Variants in MSTO1 observed in about 807,000 individuals in gnomAD.
MSTO1 encodes the protein protein misato homolog 1.
In MSTO1, 24 loss-of-function variants were observed where a neutral mutation model predicts 55.7. The ratio of observed to expected loss-of-function variants is 0.43; its 90% CI spans 0.31 to 0.61. The LOEUF is 0.61. MSTO1 is among the 20% of genes least tolerant of loss of function. MSTO1 has a pLI of 0.09. For synonymous variants in MSTO1, 162 were observed against 252.8 expected (o/e 0.64, Z 3.41); for missense variants, 363 against 625.7 (o/e 0.58, Z 4.48).
the MSTO1 span, among the ~76,000 whole-genome samples, chr1:155,570,634 G>A: frequency 2.0e-5 from 3 of 152,164 alleles, no homozygotes; most frequent in Non-Finnish European, 4.4e-5. Flanking sequence ...GAGAATGAGC[G>A]AGACCATGTT....
upstream of MSTO1, among the ~76,000 whole-genome samples, chr1:155,605,785 A>G (rs1571195421): frequency 1.3e-5 from 2 of 152,240 alleles, no homozygotes; most frequent in Admixed American, 6.5e-5. Context: ...CTTAAAAACA[A>G]AAACAAAGAA....
chr1:155,604,548 A>T, the MSTO1 span, among the ~76,000 whole-genome samples: 1 of 152,260 alleles, frequency 6.6e-6, no homozygotes, highest in African/African-American at 2.4e-5. Flanking sequence ...TGAAATTACT[A>T]AACACAAAAC....
the MSTO1 span, among the ~76,000 whole-genome samples, chr1:155,589,383 T>G: frequency 7.3e-5 from 11 of 150,188 alleles, no homozygotes; most frequent in African/African-American, 2.7e-4. Flanking sequence ...GTTTTGGTGT[T>G]TTTTTTTTTA....
rs199883211 is a variant in MSTO1, at chr1:155,614,852, C to A, written c.*579C>A. ...GCAGTGTGGAAGAGCTGCATGAGTT[C>A]TCGAAAATGGTGGGAAACCTAAGAA... On this transcript the variant is annotated 3_prime_UTR_variant, in exon 14 of 14. Coordinates refer to ENST00000245564, the MANE Select transcript of MSTO1 (RefSeq NM_018116.4). 2,172 of 1,580,890 alleles carry A rather than the reference C, an allele frequency of 1.4e-3. 1 individual carries two copies. Among genetic ancestry groups the A allele is most frequent in the Non-Finnish European group, 1.8e-3 (2,036 of 1,162,834 alleles).
intron 2 of MSTO1, 85 bp from the exon 3 acceptor site, chr1:155,610,954 G>T: frequency 2.2e-6 from 1 of 445,412 alleles, no homozygotes; most frequent in Non-Finnish European, 3.9e-6. Flanking sequence ...GTGACAGCAG[G>T]TTGTCAGGTG....
At chr1:155,586,684 T>C in the MSTO1 span, 1 of 520,436 alleles carries the variant, frequency 1.9e-6, no homozygotes, top group East Asian at 5.5e-5. Context: ...ATAACAAGGC[T>C]TATCTCTAGG....
At chr1:155,609,702 T>G, upstream of MSTO1, 1 of 154,880 alleles carries the variant, frequency 6.5e-6, no homozygotes, top group South Asian at 2.0e-4. Flanking sequence ...TTACATAAGG[T>G]GTTAGATACA....
At chr1:155,605,793 G>A (rs1672925926), upstream of MSTO1, among the ~76,000 whole-genome samples, 1 of 152,050 alleles carries the variant, frequency 6.6e-6, no homozygotes, top group Non-Finnish European at 1.5e-5. Context: ...CAAAAACAAA[G>A]AAATAACCAA....
chr1:155,586,808 C>T, the MSTO1 span: 1,922 of 307,326 alleles, frequency 6.3e-3, 41 homozygotes, highest in African/African-American at 0.04. Flanking sequence ...AGCGCAGTGG[C>T]GCAATCTCGG....
chr1:155,600,745 G>C, the MSTO1 span, among the ~76,000 whole-genome samples: 1 of 151,936 alleles, frequency 6.6e-6, no homozygotes, highest in Non-Finnish European at 1.5e-5. Flanking sequence ...ACAGGGTTTT[G>C]CCATGTTGGC....
At chr1:155,599,958 T>C in the MSTO1 span, among the ~76,000 whole-genome samples, 3 of 152,258 alleles carry the variant, frequency 2.0e-5, no homozygotes, top group Non-Finnish European at 4.4e-5. Flanking sequence ...AGATGGAATG[T>C]ACAATCGGGT....
At chr1:155,569,246 C>T in the MSTO1 span, among the ~76,000 whole-genome samples, 7 of 151,294 alleles carry the variant, frequency 4.6e-5, no homozygotes, top group African/African-American at 1.7e-4. Context: ...AGCCATTCTC[C>T]TGCCTCAGCC....
the MSTO1 span, chr1:155,566,320 T>A: frequency 6.6e-6 from 1 of 152,156 alleles, no homozygotes; most frequent in South Asian, 2.1e-4. Context: ...GGGGTCCTGG[T>A]CTGATAAAAA....
chr1:155,579,690 A>G, the MSTO1 span, among the ~76,000 whole-genome samples: 3 of 152,202 alleles, frequency 2.0e-5, no homozygotes, highest in Admixed American at 2.0e-4. Context: ...TAATTTGCTT[A>G]TTATAGAGCC....
At chr1:155,608,120 T>C (rs1296681361), upstream of MSTO1, among the ~76,000 whole-genome samples, 5 of 152,224 alleles carry the variant, frequency 3.3e-5, no homozygotes, top group African/African-American at 1.2e-4. Flanking sequence ...CAGAGAGTAC[T>C]GCAAAAGAAC....
the MSTO1 span, among the ~76,000 whole-genome samples, chr1:155,593,825 C>T: frequency 1.3e-5 from 2 of 151,942 alleles, no homozygotes; most frequent in Non-Finnish European, 2.9e-5. Flanking sequence ...AAAAACTAGC[C>T]GGGTGTGGTG....
the MSTO1 span, among the ~76,000 whole-genome samples, chr1:155,577,523 T>G: frequency 6.6e-6 from 1 of 152,212 alleles, no homozygotes; most frequent in African/African-American, 2.4e-5. Flanking sequence ...CAGCACTATT[T>G]GTTGAAGAGA....
Position 155,614,397 on chromosome 1 carries a change from C to T in MSTO1, c.*124C>T, listed in dbSNP as rs572994043. ...GCTACACCAACATATGCACTTTTTA[C>T]ATTTAGAAACACTGTGATTAGACCA... On this transcript the variant is annotated 3_prime_UTR_variant, in exon 14 of 14. Transcript: ENST00000245564. 43 of 577,868 alleles carry T rather than the reference C, an allele frequency of 7.4e-5. No individual in the cohort carries two copies. The highest frequency in any genetic ancestry group is 1.2e-4 in the Non-Finnish European group (39 of 323,506). The allele number at this position is 577,868 out of a possible 1,614,324, so 35.8% of individuals were successfully genotyped here.
chr1:155,577,232 G>T, the MSTO1 span, among the ~76,000 whole-genome samples: 178 of 151,328 alleles, frequency 1.2e-3, no homozygotes, highest in African/African-American at 4.3e-3. Flanking sequence ...GGGACTACAG[G>T]CGCCTGCCAC....
Sources: allele counts gnomAD v4.1 joint callset (sites outside exome capture counted in the v4.1 genomes callset), GRCh38; gene constraint gnomAD v4.1.1; transcripts MANE v1.5; gene names NCBI Gene and HGNC (gene_info 2026-07-23, HGNC 2026-07-21).